HS6ST3: variants seen among roughly 807,000 people sequenced by gnomAD.
HS6ST3 encodes the protein heparan sulfate 6-O-sulfotransferase 3, also known as heparan-sulfate 6-O-sulfotransferase 3.
In HS6ST3, 12 loss-of-function variants were observed where a neutral mutation model predicts 36.7. That is an observed-to-expected ratio of 0.33 (90% CI 0.21 to 0.53). The LOEUF is 0.53. Ranked by LOEUF, HS6ST3 falls within the 20% of genes least tolerant of loss-of-function variation. The pLI, the probability that HS6ST3 is intolerant of heterozygous loss-of-function variation, is 0.95. For synonymous variants in HS6ST3, 240 were observed against 257.5 expected, an observed-to-expected ratio of 0.93 and a Z score of 0.65; for missense variants, 584 against 640.9, an observed-to-expected ratio of 0.91 and a Z score of 0.96.
chr13:96,555,633 T>G (rs1334242053), intron 1 of HS6ST3, among the ~76,000 whole-genome samples: 1 of 152,202 alleles, frequency 6.6e-6, no homozygotes, highest in Non-Finnish European at 1.5e-5. Flanking sequence ...ATATTATGTA[T>G]GAATTACTTG....
Position 96,785,148 on chromosome 13 carries a change from G to A in HS6ST3, c.708-47342G>A, listed in dbSNP as rs137857379. 6.9e-3 allele frequency among the ~76,000 whole-genome samples: 1,051 copies of A among 152,042 alleles called. 8 individuals are homozygous for A. The highest frequency in any genetic ancestry group is 0.022 in the South Asian group (106 of 4,816). On this transcript the variant is annotated intron_variant, in intron 1 of 1. Coordinates refer to ENST00000376705, the MANE Select transcript of HS6ST3 (RefSeq NM_153456.4). ...CACGCCACTGCACTCCAGCCTGGGC[G>A]ACAGAGTGAGACCCTGTCTAAAAAA... is the stretch of plus-strand genomic sequence containing the variant.
intron 1 of HS6ST3, among the ~76,000 whole-genome samples, chr13:96,101,962 A>G (rs1041636784): frequency 6.6e-6 from 1 of 152,162 alleles, no homozygotes; most frequent in African/African-American, 2.4e-5. Context: ...TGAGGCCACA[A>G]AAAAGTTGCC....
chr13:96,553,900 G>T (rs1420748892), intron 1 of HS6ST3, among the ~76,000 whole-genome samples: 4 of 152,206 alleles, frequency 2.6e-5, no homozygotes, highest in Non-Finnish European at 4.4e-5. Context: ...GGAGAGAAAA[G>T]AACCAAAGAT....
At chr13:96,711,359 A>C (rs1396760793) in intron 1 of HS6ST3, among the ~76,000 whole-genome samples, 2 of 152,244 alleles carry the variant, frequency 1.3e-5, no homozygotes, top group African/African-American at 4.8e-5. Context: ...TATGTAACGT[A>C]TAACTTCCTA....
At chr13:96,531,051 A>G (rs1346874386) in intron 1 of HS6ST3, among the ~76,000 whole-genome samples, 2 of 152,178 alleles carry the variant, frequency 1.3e-5, no homozygotes, top group Admixed American at 6.6e-5. Context: ...GCATCATTCT[A>G]TGCTGATCAG....
At chr13:96,422,651 G>T (rs1039332599) in intron 1 of HS6ST3, among the ~76,000 whole-genome samples, 2 of 152,110 alleles carry the variant, frequency 1.3e-5, no homozygotes, top group Non-Finnish European at 2.9e-5. Context: ...AATTGCATTA[G>T]AACTAATTCT....
In HS6ST3 at chr13:96,227,762, G is replaced by T. The variant is rs375845843; in HGVS notation, c.707+136193G>T. Reference sequence around the variant, plus strand: ...TCTTATATTAATTTCAATACAGATTGTCCAGGTAGAGAATGTGCAGAAGGC... The same window carrying T: ...TCTTATATTAATTTCAATACAGATTTTCCAGGTAGAGAATGTGCAGAAGGC... On this transcript the variant is annotated intron_variant, in intron 1 of 1. Coordinates refer to ENST00000376705, the MANE Select transcript of HS6ST3 (RefSeq NM_153456.4). Among the ~76,000 whole-genome samples, 7 of 152,124 alleles carry T rather than the reference G, an allele frequency of 4.6e-5. 1 individual carries two copies. The East Asian group carries it at 5.8e-4, about 13-fold the overall frequency.
intron 1 of HS6ST3, among the ~76,000 whole-genome samples, chr13:96,308,066 A>G (rs369827409): frequency 3.9e-5 from 6 of 152,278 alleles, no homozygotes; most frequent in African/African-American, 1.4e-4. Context: ...GGTGATCAGT[A>G]AGATGAGAGA....
chr13:96,546,891 C>G lies in HS6ST3; in HGVS notation c.708-285599C>G, dbSNP rs1043440377. On this transcript the variant is annotated intron_variant, in intron 1 of 1. Coordinates refer to ENST00000376705, the MANE Select transcript of HS6ST3 (RefSeq NM_153456.4). ...GCCTGGGACCATGCAAGGAAAATTC[C>G]TAGAGGGACAGCAGAGTCCACAGTT... Among the ~76,000 whole-genome samples, 17 of 152,248 alleles carry G rather than the reference C, an allele frequency of 1.1e-4. No homozygotes were observed. The South Asian group carries it at 3.3e-3, about 30-fold the overall frequency.
At chr13:96,498,431 G>T (rs998324233) in intron 1 of HS6ST3, among the ~76,000 whole-genome samples, 3 of 152,222 alleles carry the variant, frequency 2.0e-5, no homozygotes, top group Middle Eastern at 3.4e-3. Context: ...AGTCCCAGCA[G>T]CACTCACCTC....
chr13:96,519,979 G>C (rs1294517629), intron 1 of HS6ST3, among the ~76,000 whole-genome samples: 1 of 152,108 alleles, frequency 6.6e-6, no homozygotes, highest in Non-Finnish European at 1.5e-5. Flanking sequence ...ACTAATGGTT[G>C]TCTTTATTAT....
intron 1 of HS6ST3, among the ~76,000 whole-genome samples, chr13:96,598,710 G>A (rs1476683782): frequency 1.3e-5 from 2 of 152,108 alleles, no homozygotes; most frequent in African/African-American, 4.8e-5. Flanking sequence ...CCAGAGCTAT[G>A]TTGTGTAGAA....
At chr13:96,401,901 G>A (rs1452844923) in intron 1 of HS6ST3, among the ~76,000 whole-genome samples, 3 of 152,276 alleles carry the variant, frequency 2.0e-5, no homozygotes, top group Middle Eastern at 3.4e-3. Context: ...TTAACCTCAT[G>A]CAATGTTAAT....
chr13:96,331,267 A>C (rs1566327384), intron 1 of HS6ST3, among the ~76,000 whole-genome samples: 2 of 152,008 alleles, frequency 1.3e-5, no homozygotes, highest in Admixed American at 6.5e-5. Flanking sequence ...TGCGTTTTAG[A>C]GTTTCCAGTT....
chr13:96,348,500 T>C (rs1173997259), intron 1 of HS6ST3, among the ~76,000 whole-genome samples: 1 of 152,204 alleles, frequency 6.6e-6, no homozygotes, highest in East Asian at 1.9e-4. Context: ...AAATGGCAAA[T>C]ATGCTTTCAA....
intron 1 of HS6ST3, among the ~76,000 whole-genome samples, chr13:96,202,780 A>G (rs1475411606): frequency 6.6e-6 from 1 of 152,160 alleles, no homozygotes; most frequent in Non-Finnish European, 1.5e-5. Flanking sequence ...TGACTTGCCC[A>G]CTGTGGAAAT....
intron 1 of HS6ST3, among the ~76,000 whole-genome samples, chr13:96,271,111 C>T (rs1594738929): frequency 2.0e-5 from 3 of 151,778 alleles, no homozygotes; most frequent in Non-Finnish European, 1.5e-5. Context: ...GAAAAGTGCC[C>T]TGGTGTATAG....
intron 1 of HS6ST3, among the ~76,000 whole-genome samples, chr13:96,175,524 C>CT (rs894071834): frequency 2.0e-5 from 3 of 151,382 alleles, no homozygotes; most frequent in Non-Finnish European, 2.9e-5. Context: ...ATATTTCTGC[C>CT]TTTTTTTTGT....
At chr13:96,750,842 A>G (rs1045286037) in intron 1 of HS6ST3, among the ~76,000 whole-genome samples, 2 of 152,228 alleles carry the variant, frequency 1.3e-5, no homozygotes, top group African/African-American at 2.4e-5. Flanking sequence ...CATAAAAAAG[A>G]AACATGTCAA....
Sources: allele counts gnomAD v4.1 joint callset (sites outside exome capture counted in the v4.1 genomes callset), GRCh38; gene constraint gnomAD v4.1.1; transcripts MANE v1.5; gene names NCBI Gene and HGNC (gene_info 2026-07-23, HGNC 2026-07-21).